The following LHFPL3 variants were observed in gnomAD, a reference collection of about 807,000 sequenced individuals.
The protein encoded by LHFPL3 is LHFPL tetraspan subfamily member 3 protein.
A neutral mutation model predicts 19.3 loss-of-function variants in LHFPL3; 5 were observed. That is an observed-to-expected ratio of 0.26 (90% CI 0.14 to 0.54). The LOEUF is 0.54. LHFPL3 is among the 20% of genes least tolerant of loss of function. The pLI is 0.94. For missense variants in LHFPL3, 249 were observed against 307.4 expected (o/e 0.81, Z 1.42); for synonymous variants, 133 against 126.2 (o/e 1.05, Z -0.36).
chr7:104,592,782 C>A (rs1410806618), intron 1 of LHFPL3, among the ~76,000 whole-genome samples: 1 of 152,144 alleles, frequency 6.6e-6, no homozygotes, highest in East Asian at 1.9e-4. Context: ...GCTTTGTTTA[C>A]CTACTCAAGC....
chr7:104,658,019 AG>A (rs918336538), intron 1 of LHFPL3, among the ~76,000 whole-genome samples: 76 of 151,970 alleles, frequency 5.0e-4, no homozygotes, highest in Middle Eastern at 3.4e-3. Context: ...GACAGAAAAA[AG>A]ATAGGGCCAT....
intron 1 of LHFPL3, among the ~76,000 whole-genome samples, chr7:104,606,815 A>G (rs1319086542): frequency 6.6e-6 from 1 of 152,142 alleles, no homozygotes; most frequent in Non-Finnish European, 1.5e-5. Flanking sequence ...TATAGGTGCC[A>G]CTGATTGGTT....
At position 104,824,136 on chromosome 7, in the gene LHFPL3, ACTT is replaced by A. The variant is rs1230884722; in HGVS notation, c.683-82048_683-82046del. Among the ~76,000 whole-genome samples, 168 of 78,034 alleles carry A rather than the reference ACTT, an allele frequency of 2.2e-3. 2 individuals carry two copies. The highest frequency in any genetic ancestry group is 8.7e-3 in the African/African-American group (160 of 18,392). 51.2% of individuals were successfully genotyped at this position (78,034 alleles called of 152,430 possible). A position where few individuals can be genotyped will look rare whatever the true frequency, so the allele number is the denominator to read the frequency against. On this transcript the variant is annotated intron_variant, in intron 2 of 2. Coordinates refer to ENST00000424859, the MANE Select transcript of LHFPL3 (RefSeq NM_199000.3). ...ACTCCAGCCTGTGTGACAGAGTAAG[ACTT>A]CTCTGTTTCAAAAAAAATATATATA... is the stretch of plus-strand genomic sequence containing the variant.
intron 2 of LHFPL3, among the ~76,000 whole-genome samples, chr7:104,860,773 A>G (rs1791602340): frequency 6.6e-6 from 1 of 152,220 alleles, no homozygotes; most frequent in Non-Finnish European, 1.5e-5. Context: ...CTCTTCTGAC[A>G]TCTCTCTTTC....
intron 1 of LHFPL3, among the ~76,000 whole-genome samples, chr7:104,663,532 A>C (rs1792271395): frequency 6.6e-6 from 1 of 152,216 alleles, no homozygotes; most frequent in Non-Finnish European, 1.5e-5. Context: ...TGGCTACACC[A>C]TCTGGTTGGA....
intron 1 of LHFPL3, among the ~76,000 whole-genome samples, chr7:104,507,766 AAAAC>A (rs1172438025): frequency 7.2e-4 from 97 of 135,306 alleles, no homozygotes; most frequent in African/African-American, 2.1e-3. Context: ...TTACAAGAAA[AAAAC>A]AAACAACCCC....
intron 1 of LHFPL3, among the ~76,000 whole-genome samples, chr7:104,473,591 G>A (rs1211786050): frequency 6.6e-6 from 1 of 152,124 alleles, no homozygotes. Flanking sequence ...GAACAGCCTG[G>A]ATTTAAATCC....
chr7:104,730,790 T>A (rs1030175266), intron 1 of LHFPL3, among the ~76,000 whole-genome samples: 2 of 152,232 alleles, frequency 1.3e-5, no homozygotes, highest in South Asian at 2.1e-4. Flanking sequence ...TTGCCATTAC[T>A]TTTGGTGTTT....
At chr7:104,764,590 GA>G (rs568011281) in intron 2 of LHFPL3, among the ~76,000 whole-genome samples, 164 of 151,972 alleles carry the variant, frequency 1.1e-3, no homozygotes, top group African/African-American at 3.8e-3. Context: ...AAAACCCTAT[GA>G]TTTTTTTAGT....
intron 1 of LHFPL3, among the ~76,000 whole-genome samples, chr7:104,627,159 A>G (rs1279176406): frequency 6.6e-6 from 1 of 152,046 alleles, no homozygotes; most frequent in Non-Finnish European, 1.5e-5. Context: ...GGTAACCACC[A>G]TTCTATTCCC....
intron 1 of LHFPL3, among the ~76,000 whole-genome samples, chr7:104,522,709 G>T (rs1025996704): frequency 5.9e-5 from 9 of 152,072 alleles, no homozygotes; most frequent in South Asian, 2.1e-4. Flanking sequence ...CTTGCCATTT[G>T]TCCTGTGCTC....
At chr7:104,369,598 A>G (rs948581835) in intron 1 of LHFPL3, among the ~76,000 whole-genome samples, 1 of 152,022 alleles carries the variant, frequency 6.6e-6, no homozygotes, top group Non-Finnish European at 1.5e-5. Flanking sequence ...TTTTAAAGAA[A>G]CTCCTAAACT....
At chr7:104,687,062 T>A (rs908686804) in intron 1 of LHFPL3, among the ~76,000 whole-genome samples, 122 of 152,194 alleles carry the variant, frequency 8.0e-4, no homozygotes, top group Non-Finnish European at 4.0e-4. Context: ...CAATTCAAGA[T>A]GAGATTTGGG....
intron 1 of LHFPL3, among the ~76,000 whole-genome samples, chr7:104,527,811 C>A (rs576670375): frequency 6.4e-4 from 98 of 152,288 alleles, no homozygotes; most frequent in African/African-American, 2.3e-3. Flanking sequence ...GAGGGAAATT[C>A]ACTTCTTTTA....
intron 2 of LHFPL3, among the ~76,000 whole-genome samples, chr7:104,742,219 T>G (rs1262412690): frequency 6.6e-6 from 1 of 152,224 alleles, no homozygotes; most frequent in Non-Finnish European, 1.5e-5. Context: ...TCTTTCCTTG[T>G]CAGACACCAT....
At chr7:104,461,606 A>G (rs1472219560) in intron 1 of LHFPL3, among the ~76,000 whole-genome samples, 1 of 152,092 alleles carries the variant, frequency 6.6e-6, no homozygotes, top group Non-Finnish European at 1.5e-5. Flanking sequence ...TCGTTACTGT[A>G]GCCCTGGAGT....
chr7:104,449,112 T>C (rs1792383906), intron 1 of LHFPL3, among the ~76,000 whole-genome samples: 6 of 152,218 alleles, frequency 3.9e-5, no homozygotes, highest in Admixed American at 3.9e-4. Context: ...TGCCAAGAAG[T>C]AGACTTCTGA....
rs951497103 is a variant in LHFPL3, at chr7:104,908,035, T to C, written c.*1820T>C. ...GCTCCCTACTACATCCATAACACCC[T>C]ACTTACTAAATTTAATTACACACAA... On this transcript the variant is annotated 3_prime_UTR_variant, in exon 3 of 3. Coordinates refer to ENST00000424859, the MANE Select transcript of LHFPL3 (RefSeq NM_199000.3). Among the ~76,000 whole-genome samples the C allele has an allele frequency of 4.6e-5, 7 of 152,204 alleles. No homozygotes were observed. Among genetic ancestry groups the C allele is most frequent in the African/African-American group, 1.2e-4 (5 of 41,472 alleles).
intron 1 of LHFPL3, among the ~76,000 whole-genome samples, chr7:104,593,072 T>G (rs1018877126): frequency 1.3e-5 from 2 of 152,210 alleles, no homozygotes; most frequent in Admixed American, 6.5e-5. Context: ...ATTTCTTATC[T>G]TCTGCTAGCT....
Sources: allele counts gnomAD v4.1 joint callset (sites outside exome capture counted in the v4.1 genomes callset), GRCh38; gene constraint gnomAD v4.1.1; transcripts MANE v1.5; gene names NCBI Gene and HGNC (gene_info 2026-07-23, HGNC 2026-07-21).